Variants in EMP2 observed in about 807,000 individuals in gnomAD.
EMP2 encodes the protein epithelial membrane protein 2.
EMP2 carries 19 observed loss-of-function variants against 13.7 expected under a neutral mutation model. That is an observed-to-expected ratio of 1.38 (90% CI 0.97 to 2.03). The LOEUF (loss-of-function observed/expected upper bound fraction) is 2.03. EMP2 is among the 30% of genes most tolerant of loss of function. The probability of loss-of-function intolerance (pLI) is 0.00; values close to 1 mark genes in which losing one functional copy is unlikely to be tolerated. For missense variants in EMP2, 253 were observed against 220.7 expected, an observed-to-expected ratio of 1.15 and a Z score of -0.93; for synonymous variants, 97 against 84.7, an observed-to-expected ratio of 1.15 and a Z score of -0.80.
chr16:10,543,250 A>G (rs1457255910), intron 3 of EMP2, among the ~76,000 whole-genome samples: 1 of 152,264 alleles, frequency 6.6e-6, no homozygotes, highest in Non-Finnish European at 1.5e-5. Flanking sequence ...AGAAGGGAAG[A>G]GAAAATTCTA....
chr16:10,562,559 G>A (rs966922906), intron 1 of EMP2, among the ~76,000 whole-genome samples: 1 of 152,060 alleles, frequency 6.6e-6, no homozygotes, highest in African/African-American at 2.4e-5. Flanking sequence ...ACATGAATGA[G>A]CCCAGCTGAA....
Position 10,577,511 on chromosome 16 carries a change from C to G in EMP2, c.-61+3038G>C, listed in dbSNP as rs202044139. Among the ~76,000 whole-genome samples the G allele has an allele frequency of 1.3e-5, 2 of 152,164 alleles. 1 individual carries two copies. The highest frequency in any genetic ancestry group is 3.9e-4 in the East Asian group (2 of 5,186). ...TGGCTAACTTCTGCAGGGAGCCAGG[C>G]TTCACCACTCCTGGGGTGAGAAGGG... is the stretch of plus-strand genomic sequence containing the variant. On this transcript the variant is annotated intron_variant, in intron 1 of 4. Transcript: ENST00000359543.
At chr16:10,557,331 T>C (rs1317295521) in intron 1 of EMP2, among the ~76,000 whole-genome samples, 1 of 140,346 alleles carries the variant, frequency 7.1e-6, no homozygotes, top group East Asian at 2.1e-4. Context: ...CACTCCAGCC[T>C]GGGTGACAGA....
intron 1 of EMP2, among the ~76,000 whole-genome samples, chr16:10,568,294 C>T (rs1357360023): frequency 6.6e-6 from 1 of 152,210 alleles, no homozygotes; most frequent in Admixed American, 6.5e-5. Context: ...ATTCAAAGCA[C>T]CAGCTGCCTC....
chr16:10,554,125 G>A lies in EMP2; in HGVS notation c.-60-6448C>T, dbSNP rs948470634. 5.3e-5 allele frequency among the ~76,000 whole-genome samples: 8 copies of A among 150,358 alleles called. 1 individual carries two copies. Among genetic ancestry groups the A allele is most frequent in the Admixed American group, 2.0e-4 (3 of 15,016 alleles). On this transcript the variant is annotated intron_variant, in intron 1 of 4. Transcript: ENST00000359543. ...CGGCTCACTGCAACCTCCACCTCCCGAGTTCAAGCGATTCTCCTGCCTCAG... is the reference window on the plus strand; with the variant it reads ...CGGCTCACTGCAACCTCCACCTCCCAAGTTCAAGCGATTCTCCTGCCTCAG...
intron 3 of EMP2, among the ~76,000 whole-genome samples, chr16:10,542,609 A>G (rs1259848465): frequency 6.6e-6 from 1 of 152,208 alleles, no homozygotes; most frequent in Non-Finnish European, 1.5e-5. Flanking sequence ...CAAAGTATCT[A>G]TTTCATCAGT....
At chr16:10,538,125 C>T (rs757095637) in intron 3 of EMP2, 51 bp from the exon 4 acceptor site, 36 of 1,602,022 alleles carry the variant, frequency 2.2e-5, no homozygotes, top group Non-Finnish European at 3.0e-5. Context: ...CCAGCCGGCA[C>T]TGTGGGGTAC....
At chr16:10,538,137 C>A (rs950638378) in intron 3 of EMP2, 63 bp from the exon 4 acceptor site, 39 of 1,577,232 alleles carry the variant, frequency 2.5e-5, no homozygotes, top group African/African-American at 1.3e-5. Context: ...GTGGGGTACA[C>A]AGCGACCGCA....
intron 2 of EMP2, chr16:10,544,330 AC>A (rs80258403): frequency 0.41 from 62,671 of 151,942 alleles, 13,404 homozygotes; most frequent in East Asian, 0.65. Flanking sequence ...AGAGGCATGC[AC>A]CAGCACACCT....
intron 1 of EMP2, among the ~76,000 whole-genome samples, chr16:10,572,942 T>C (rs1352064902): frequency 6.6e-5 from 10 of 152,224 alleles, no homozygotes. Context: ...AAATGTCCAC[T>C]ATAAGACAAC....
chr16:10,541,329 G>A (rs553845099), intron 3 of EMP2, among the ~76,000 whole-genome samples: 6 of 152,270 alleles, frequency 3.9e-5, no homozygotes, highest in African/African-American at 1.4e-4. Flanking sequence ...TTTCAGTAGA[G>A]GGACAGACAG....
chr16:10,542,120 A>G (rs1421562370), intron 3 of EMP2, among the ~76,000 whole-genome samples: 5 of 152,140 alleles, frequency 3.3e-5, no homozygotes, highest in Non-Finnish European at 7.3e-5. Flanking sequence ...GACAACAAAT[A>G]AATTTTAGGA....
chr16:10,537,007 G>C (rs919793301), intron 4 of EMP2, among the ~76,000 whole-genome samples: 3 of 152,140 alleles, frequency 2.0e-5, no homozygotes, highest in Non-Finnish European at 4.4e-5. Context: ...GGCATGGCAG[G>C]TTTGGACTTG....
chr16:10,565,780 TC>T (rs1246377692), intron 1 of EMP2, among the ~76,000 whole-genome samples: 1 of 152,172 alleles, frequency 6.6e-6, no homozygotes, highest in Non-Finnish European at 1.5e-5. Flanking sequence ...GGGAACCCAT[TC>T]CGATGCACTT....
intron 1 of EMP2, among the ~76,000 whole-genome samples, chr16:10,549,760 C>T (rs2050770264): frequency 6.6e-6 from 1 of 151,684 alleles, no homozygotes; most frequent in African/African-American, 2.4e-5. Context: ...TACACTGTCT[C>T]TCTTTTTCTG....
At position 10,530,411 on chromosome 16, in the gene EMP2, A is replaced by C. The variant is rs927974948; in HGVS notation, c.*2494T>G. Reference sequence around the variant, plus strand: ...TCAAACCAGATGTCTCTTCAGCTCCACTGGAACTGAGCTGATGGCAAACCA... The same window carrying C: ...TCAAACCAGATGTCTCTTCAGCTCCCCTGGAACTGAGCTGATGGCAAACCA... On this transcript the variant is annotated 3_prime_UTR_variant, in exon 5 of 5. Coordinates refer to ENST00000359543, the MANE Select transcript of EMP2 (RefSeq NM_001424.6). The C allele has an allele frequency of 2.0e-5, 3 of 152,600 alleles. No homozygotes were observed. Among genetic ancestry groups the C allele is most frequent in the Non-Finnish European group, 4.4e-5 (3 of 68,052 alleles). The allele number at this position is 152,600 out of a possible 1,614,324, so 9.5% of individuals were successfully genotyped here.
intron 1 of EMP2, among the ~76,000 whole-genome samples, chr16:10,577,697 C>G (rs563753290): frequency 4.6e-5 from 7 of 152,200 alleles, no homozygotes; most frequent in Admixed American, 2.0e-4. Flanking sequence ...CTGAGACACC[C>G]GGACACACAC....
intron 1 of EMP2, among the ~76,000 whole-genome samples, chr16:10,579,070 C>T (rs2051003882): frequency 6.6e-6 from 1 of 152,188 alleles, no homozygotes; most frequent in Non-Finnish European, 1.5e-5. Flanking sequence ...AGCCTGTTTC[C>T]CCACTTGCAA....
chr16:10,574,970 C>T (rs1305102934), intron 1 of EMP2, among the ~76,000 whole-genome samples: 2 of 151,724 alleles, frequency 1.3e-5, no homozygotes, highest in African/African-American at 4.8e-5. Context: ...GTGGCAGCCT[C>T]GAAGCCCTGG....
Sources: allele counts gnomAD v4.1 joint callset (sites outside exome capture counted in the v4.1 genomes callset), GRCh38; gene constraint gnomAD v4.1.1; transcripts MANE v1.5; gene names NCBI Gene and HGNC (gene_info 2026-07-23, HGNC 2026-07-21).